Variants in GOLPH3 observed in about 807,000 individuals in gnomAD.
GOLPH3 encodes coat protein GPP34.
GOLPH3 carries 14 observed loss-of-function variants against 28.5 expected under a neutral mutation model. The observed-to-expected ratio is 0.49, with a 90% CI of 0.32 to 0.77. The LOEUF is 0.77. Ranked by LOEUF, GOLPH3 falls within the 30% of genes least tolerant of loss-of-function variation. The probability of loss-of-function intolerance (pLI) is 0.03; values close to 1 mark genes in which losing one functional copy is unlikely to be tolerated. For synonymous variants in GOLPH3, 158 were observed against 159.2 expected (o/e 0.99, Z 0.06); for missense variants, 350 against 393.7 (o/e 0.89, Z 0.94).
intron 1 of GOLPH3, among the ~76,000 whole-genome samples, chr5:32,159,851 A>C (rs1746536531): frequency 6.6e-6 from 1 of 152,362 alleles, no homozygotes; most frequent in South Asian, 2.1e-4. Context: ...GAGCAGTGAT[A>C]CCTCGAGCCC....
rs1456072648 is a variant in GOLPH3, at chr5:32,174,098, C to T, written c.-64G>A. 10 of 1,129,984 alleles carry T rather than the reference C, an allele frequency of 8.8e-6. No homozygotes were observed. The East Asian group carries it at 3.3e-4, about 37-fold the overall frequency. The allele number at this position is 1,129,984 out of a possible 1,614,324, so 70.0% of individuals were successfully genotyped here. ...CAGGACCGACCGGGTCGCCCTCCTC[C>T]TCCCCGCGCGGCCTCCGATCCGGGT... On this transcript the variant is annotated 5_prime_UTR_variant, in exon 1 of 4. Coordinates refer to ENST00000265070, the MANE Select transcript of GOLPH3 (RefSeq NM_022130.4).
At chr5:32,172,332 C>T (rs1746853730) in intron 1 of GOLPH3, among the ~76,000 whole-genome samples, 1 of 151,788 alleles carries the variant, frequency 6.6e-6, no homozygotes, top group African/African-American at 2.4e-5. Flanking sequence ...GTTTCAGTGA[C>T]CAAGAAAGAT....
intron 1 of GOLPH3, 123 bp downstream of exon 1, chr5:32,173,687 A>C (rs1327644544): frequency 1.6e-6 from 1 of 612,370 alleles, no homozygotes; most frequent in South Asian, 6.3e-5. Context: ...CCAGGCGCGG[A>C]CTTCGGAGCG....
intron 1 of GOLPH3, among the ~76,000 whole-genome samples, chr5:32,153,581 G>T (rs1746357328): frequency 6.6e-6 from 1 of 152,156 alleles, no homozygotes; most frequent in African/African-American, 2.4e-5. Context: ...TCAATTAGTA[G>T]TAATGTTGAC....
intron 3 of GOLPH3, among the ~76,000 whole-genome samples, chr5:32,130,886 G>A (rs1236413695): frequency 6.6e-6 from 1 of 152,132 alleles, no homozygotes; most frequent in Admixed American, 6.5e-5. Context: ...GGAAATACAT[G>A]CTTAGTAAAT....
chr5:32,160,885 G>C (rs1746555792), intron 1 of GOLPH3, among the ~76,000 whole-genome samples: 1 of 151,958 alleles, frequency 6.6e-6, no homozygotes. Context: ...GGCTAACACA[G>C]TGAAACCCCG....
At chr5:32,168,248 C>T (rs909759285) in intron 1 of GOLPH3, among the ~76,000 whole-genome samples, 3 of 152,112 alleles carry the variant, frequency 2.0e-5, no homozygotes, top group East Asian at 1.9e-4. Flanking sequence ...CATCACCACA[C>T]GTATAGAAAG....
chr5:32,142,057 G>C (rs868599928), intron 2 of GOLPH3, among the ~76,000 whole-genome samples: 1 of 151,956 alleles, frequency 6.6e-6, no homozygotes, highest in African/African-American at 2.4e-5. Context: ...GTCTCCGCCT[G>C]GCTGCCCATC....
At chr5:32,171,244 T>C (rs554977913) in intron 1 of GOLPH3, among the ~76,000 whole-genome samples, 2 of 151,806 alleles carry the variant, frequency 1.3e-5, no homozygotes, top group East Asian at 3.9e-4. Flanking sequence ...GGGCCATATA[T>C]AAAATACACT....
rs70961608 is a variant in GOLPH3, at chr5:32,155,956, C to CAAAAA, written c.226-12081_226-12077dup. On this transcript the variant is annotated intron_variant, in intron 1 of 3. Transcript: ENST00000265070. ...GGGCAACAAGAGTGAAACACTGTCT[C>CAAAAA]AAAAAAAAAAAAAAAAAAAAAAAAA... Among the ~76,000 whole-genome samples the CAAAAA allele has an allele frequency of 7.3e-4, 35 of 47,824 alleles. 1 individual carries two copies. The highest frequency in any genetic ancestry group is 1.0e-3 in the Non-Finnish European group (24 of 23,262). 31.4% of individuals were successfully genotyped at this position (47,824 alleles called of 152,430 possible).
chr5:32,143,741 C>T lies in GOLPH3; in HGVS notation c.357+8G>A, dbSNP rs554166492. On this transcript the variant is annotated splice_region_variant and intron_variant, in intron 2 of 3. Coordinates refer to ENST00000265070, the MANE Select transcript of GOLPH3 (RefSeq NM_022130.4). ...TTTAAAAAGAATGTTACTCAGCACT[C>T]CTCTTACCTTTCTTGTTAATAGACT... 5 of 1,606,788 alleles carry T rather than the reference C, an allele frequency of 3.1e-6. No individual in the cohort carries two copies. The South Asian group carries it at 5.6e-5, about 18-fold the overall frequency.
intron 1 of GOLPH3, among the ~76,000 whole-genome samples, chr5:32,169,217 G>A (rs1272285216): frequency 6.6e-6 from 1 of 152,264 alleles, no homozygotes; most frequent in East Asian, 1.9e-4. Flanking sequence ...AAGAGGTTGA[G>A]GCTGCAGTGA....
intron 1 of GOLPH3, among the ~76,000 whole-genome samples, chr5:32,149,245 G>A (rs189370481): frequency 2.6e-5 from 4 of 152,332 alleles, no homozygotes; most frequent in African/African-American, 7.2e-5. Flanking sequence ...AAGACATACA[G>A]AGACAGAGAG....
intron 1 of GOLPH3, among the ~76,000 whole-genome samples, chr5:32,164,432 T>C (rs944240103): frequency 1.6e-4 from 24 of 152,094 alleles, no homozygotes; most frequent in African/African-American, 5.5e-4. Flanking sequence ...CTCACTCTGT[T>C]GCCCAGGCTG....
At chr5:32,165,698 A>G (rs938989534) in intron 1 of GOLPH3, among the ~76,000 whole-genome samples, 1 of 152,254 alleles carries the variant, frequency 6.6e-6, no homozygotes, top group African/African-American at 2.4e-5. Flanking sequence ...CATGTTCTTC[A>G]GTGAATTTGT....
At chr5:32,162,726 A>G (rs1426157672) in intron 1 of GOLPH3, among the ~76,000 whole-genome samples, 2 of 152,202 alleles carry the variant, frequency 1.3e-5, no homozygotes, top group African/African-American at 4.8e-5. Flanking sequence ...TTTTCAAAGC[A>G]CTCACATATG....
intron 1 of GOLPH3, among the ~76,000 whole-genome samples, chr5:32,165,564 C>A (rs1213765979): frequency 4.0e-5 from 6 of 151,262 alleles, no homozygotes; most frequent in African/African-American, 1.5e-4. Context: ...GCCTGGGTAA[C>A]AGAGCAAGAC....
At chr5:32,139,157 A>G (rs756615500) in intron 2 of GOLPH3, among the ~76,000 whole-genome samples, 9 of 152,210 alleles carry the variant, frequency 5.9e-5, no homozygotes, top group East Asian at 1.9e-4. Context: ...TCGGCCTTCC[A>G]TATCTATAGA....
intron 2 of GOLPH3, among the ~76,000 whole-genome samples, chr5:32,141,735 G>A (rs1278361188): frequency 2.0e-5 from 3 of 152,292 alleles, no homozygotes; most frequent in East Asian, 3.9e-4. Flanking sequence ...CCGAGTGCCT[G>A]CGATTGCAGG....
Sources: allele counts gnomAD v4.1 joint callset (sites outside exome capture counted in the v4.1 genomes callset), GRCh38; gene constraint gnomAD v4.1.1; transcripts MANE v1.5; gene names NCBI Gene and HGNC (gene_info 2026-07-23, HGNC 2026-07-21).